TMEM108: variants seen among roughly 807,000 people sequenced by gnomAD.
TMEM108 encodes the protein cancer/testis antigen 124.
A neutral mutation model predicts 35.1 loss-of-function variants in TMEM108; 12 were observed. The ratio of observed to expected loss-of-function variants is 0.34; its 90% CI spans 0.22 to 0.55. The LOEUF is 0.55. Ranked by LOEUF, TMEM108 falls within the 20% of genes least tolerant of loss-of-function variation. The pLI is 0.89. For synonymous variants in TMEM108, 287 were observed against 308.6 expected (o/e 0.93, Z 0.73); for missense variants, 680 against 753.3 (o/e 0.90, Z 1.14).
rs558039424 is a variant in TMEM108, at chr3:133,281,626, G to A, written c.40+52275G>A. The stretch of plus-strand genomic sequence containing the variant: ...TACAACGGCAGCTGGCACACTGGGT[G>A]GTGATAATGAGGCATGCTACAGTGA... On this transcript the variant is annotated intron_variant, in intron 3 of 5. Transcript: ENST00000321871. 2.6e-5 allele frequency among the ~76,000 whole-genome samples: 4 copies of A among 152,342 alleles called. No homozygotes were observed. The East Asian group carries it at 5.8e-4, about 22-fold the overall frequency.
intron 3 of TMEM108, among the ~76,000 whole-genome samples, chr3:133,269,122 T>C (rs1024962910): frequency 6.6e-6 from 1 of 152,188 alleles, no homozygotes; most frequent in Non-Finnish European, 1.5e-5. Context: ...TCTTTGTTTT[T>C]CCCCCTCCAT....
chr3:133,162,955 T>C (rs1036410957), intron 2 of TMEM108, among the ~76,000 whole-genome samples: 1 of 152,182 alleles, frequency 6.6e-6, no homozygotes, highest in Non-Finnish European at 1.5e-5. Flanking sequence ...ATGGACATAA[T>C]AGTAACATCT....
intron 3 of TMEM108, among the ~76,000 whole-genome samples, chr3:133,266,069 T>TTTTTTTTTTTTTTTTTTGAGAC (rs1559886826): frequency 6.6e-6 from 1 of 152,200 alleles, no homozygotes; most frequent in Admixed American, 6.5e-5. Flanking sequence ...GATCTCTTTT[T>TTTTTTTTTTTTTTTTTTGAGAC]GCCTTGACTC....
At chr3:133,187,551 A>T (rs1945438100) in intron 2 of TMEM108, among the ~76,000 whole-genome samples, 1 of 152,226 alleles carries the variant, frequency 6.6e-6, no homozygotes, top group African/African-American at 2.4e-5. Context: ...GTAGTTCAAG[A>T]CCAGCCTGGC....
chr3:133,367,700 G>A (rs1324557082), intron 3 of TMEM108, among the ~76,000 whole-genome samples: 1 of 152,214 alleles, frequency 6.6e-6, no homozygotes, highest in East Asian at 1.9e-4. Flanking sequence ...AGGGTCTCAG[G>A]AGCAGGCAGG....
Position 133,395,924 on chromosome 3 carries a change from C to T in TMEM108, c.1666C>T (p.Leu556Phe), listed in dbSNP as rs375056320. The T allele has an allele frequency of 6.2e-7, 1 of 1,608,354 alleles. No individual in the cohort carries two copies. The highest frequency in any genetic ancestry group is 8.5e-7 in the Non-Finnish European group (1 of 1,177,612). ...NGDYRDTGMV[L>F]VNPFCQETLF... ...CGACTATAGAGACACTGGGATGGTC[C>T]TTGTTAACCCCTTCTGTCAAGAAAC... Residue 556 changes from leucine to phenylalanine, a missense_variant, in exon 6 of 6, where the codon CTT becomes TTT. Leu to Phe is a conservative substitution (Grantham distance 22). Around this residue, in one of 3 missense-constraint regions of TMEM108, gnomAD observed 105 missense variants for 150.7 expected, o/e 0.70. Transcript: ENST00000321871.
chr3:133,249,287 G>A (rs1187036355), intron 3 of TMEM108, among the ~76,000 whole-genome samples: 3 of 152,158 alleles, frequency 2.0e-5, no homozygotes, highest in Admixed American at 6.5e-5. Context: ...AAATAAAGAC[G>A]GAAAACTATT....
chr3:133,121,683 A>G (rs1445643226), intron 2 of TMEM108, among the ~76,000 whole-genome samples: 1 of 152,226 alleles, frequency 6.6e-6, no homozygotes, highest in Non-Finnish European at 1.5e-5. Flanking sequence ...CACAACAGTC[A>G]TTATGTCTGG....
At chr3:133,374,450 T>G (rs1402974193) in intron 3 of TMEM108, among the ~76,000 whole-genome samples, 1 of 152,028 alleles carries the variant, frequency 6.6e-6, no homozygotes, top group African/African-American at 2.4e-5. Context: ...ATTCTATTTT[T>G]ATGAATTTTC....
At chr3:133,078,288 G>A (rs1342671631) in intron 2 of TMEM108, among the ~76,000 whole-genome samples, 1 of 151,956 alleles carries the variant, frequency 6.6e-6, no homozygotes, top group Non-Finnish European at 1.5e-5. Context: ...CAGTCCTTTC[G>A]GACATGCACT....
chr3:133,365,324 A>G (rs1247640445), intron 3 of TMEM108, among the ~76,000 whole-genome samples: 3 of 152,180 alleles, frequency 2.0e-5, no homozygotes, highest in Middle Eastern at 3.2e-3. Context: ...TTATATGGGA[A>G]ATAGATGCAA....
chr3:133,288,608 T>TAA (rs1947018593), intron 3 of TMEM108, among the ~76,000 whole-genome samples: 2 of 152,214 alleles, frequency 1.3e-5, no homozygotes, highest in Non-Finnish European at 2.9e-5. Context: ...CTCCACCTCC[T>TAA]ACCTGTCTGA....
chr3:133,082,859 G>A (rs934192500), intron 2 of TMEM108, among the ~76,000 whole-genome samples: 8 of 151,962 alleles, frequency 5.3e-5, no homozygotes, highest in Non-Finnish European at 7.4e-5. Context: ...TCCCTCTATC[G>A]TCCAGGCTGG....
intron 3 of TMEM108, among the ~76,000 whole-genome samples, chr3:133,269,446 C>G (rs888645639): frequency 1.6e-4 from 24 of 152,256 alleles, no homozygotes; most frequent in Non-Finnish European, 2.9e-4. Context: ...ACCGTTGTCC[C>G]TACTACTAAT....
At chr3:133,149,271 C>T (rs1944763321) in intron 2 of TMEM108, among the ~76,000 whole-genome samples, 1 of 152,152 alleles carries the variant, frequency 6.6e-6, no homozygotes, top group African/African-American at 2.4e-5. Context: ...AAGGTATACA[C>T]TGTCACGTTT....
chr3:133,206,404 T>C (rs2107833860), intron 2 of TMEM108, among the ~76,000 whole-genome samples: 1 of 152,364 alleles, frequency 6.6e-6, no homozygotes, highest in Non-Finnish European at 1.5e-5. Context: ...ATTTTCAGCC[T>C]TTTTGGGCAG....
At chr3:133,390,115 G>C (rs2107859492) in intron 4 of TMEM108, 65 bp from the exon 5 acceptor site, 1 of 1,592,162 alleles carries the variant, frequency 6.3e-7, no homozygotes, top group Middle Eastern at 1.7e-4. Context: ...CATCAGTTCG[G>C]TGGTGCAACC....
rs114746048 is a variant in TMEM108 at position 133,215,830 on chromosome 3, C to T, written c.-46-13436C>T. Among the ~76,000 whole-genome samples the T allele has an allele frequency of 9.7e-3, 1,479 of 152,000 alleles. 19 individuals carry two copies. The highest frequency in any genetic ancestry group is 0.034 in the African/African-American group (1,400 of 41,478). ...TCTGATCGATTTGGAATTTAAGTTG[C>T]GGTATGGTGTTTGGAATGAGTATAG... On this transcript the variant is annotated intron_variant, in intron 2 of 5. Transcript: ENST00000321871.
In TMEM108 at chr3:133,380,650, C is replaced by T; in HGVS notation, c.939C>T (p.Ala313=). 6.2e-7 allele frequency: 1 copy of T among 1,614,006 alleles called. No homozygotes were observed. The highest frequency in any genetic ancestry group is 1.1e-5 in the South Asian group (1 of 91,046). ...GTGCCCCTGTCAGTCCACAAGCTGC[C>T]CCAGTGCCTTCTCAGCGCCCCCACC... ...ASGAPVSPQA[A]PVPSQRPHHG... The change falls in exon 4 of 6, where the codon GCC becomes GCT. Residue 313 remains alanine, a synonymous_variant. Transcript: ENST00000321871. This position sits in a 1 kb window ranked among gnomAD's most constrained non-coding sequence, Gnocchi z 5.3.
Sources: allele counts gnomAD v4.1 joint callset (sites outside exome capture counted in the v4.1 genomes callset), GRCh38; gene constraint gnomAD v4.1.1; regional missense constraint gnomAD v4.1.1; non-coding constraint Gnocchi (gnomAD v3.1); transcripts MANE v1.5; gene names NCBI Gene and HGNC (gene_info 2026-07-23, HGNC 2026-07-21).